The following REC114 variants were observed in gnomAD, a reference collection of about 807,000 sequenced individuals.
REC114 encodes meiotic recombination protein REC114.
Under a neutral mutation model 31.3 loss-of-function variants are expected in REC114, and 27 were observed. The ratio of observed to expected loss-of-function variants is 0.86; its 90% CI spans 0.64 to 1.19. The LOEUF (loss-of-function observed/expected upper bound fraction) is 1.19, where lower values mean the gene tolerates loss of function less well. REC114 is among the 50% of genes most tolerant of loss of function. The pLI, the probability that REC114 is intolerant of heterozygous loss-of-function variation, is 0.00. For synonymous variants in REC114, 134 were observed against 127.7 expected, an observed-to-expected ratio of 1.05 and a Z score of -0.33; for missense variants, 344 against 326.9, an observed-to-expected ratio of 1.05 and a Z score of -0.40.
At chr15:73,532,635 C>T (rs1894101593) in intron 2 of REC114, among the ~76,000 whole-genome samples, 1 of 152,152 alleles carries the variant, frequency 6.6e-6, no homozygotes, top group African/African-American at 2.4e-5. Context: ...TCCACATCCT[C>T]TCCAGCACTA....
intron 3 of REC114, among the ~76,000 whole-genome samples, chr15:73,545,336 C>G (rs1894294443): frequency 6.6e-6 from 1 of 152,176 alleles, no homozygotes; most frequent in South Asian, 2.1e-4. Context: ...CACTTCACAG[C>G]AAGAAGCTCT....
At chr15:73,555,525 T>C (rs1018707254) in intron 4 of REC114, among the ~76,000 whole-genome samples, 3 of 152,194 alleles carry the variant, frequency 2.0e-5, no homozygotes, top group African/African-American at 7.2e-5. Context: ...CTGTACTTCC[T>C]GCTTAGCATA....
At chr15:73,531,577 G>C (rs1894082737) in intron 2 of REC114, among the ~76,000 whole-genome samples, 1 of 152,194 alleles carries the variant, frequency 6.6e-6, no homozygotes, top group South Asian at 2.1e-4. Context: ...GGCAAATTAA[G>C]GGATGGGTCA....
At chr15:73,448,555 G>C (rs1291831813) in intron 1 of REC114, among the ~76,000 whole-genome samples, 1 of 152,198 alleles carries the variant, frequency 6.6e-6, no homozygotes, top group Non-Finnish European at 1.5e-5. Flanking sequence ...GGAGGAAGGG[G>C]TGGCTGTGGG....
At chr15:73,554,951 CTG>C (rs1894444291) in intron 4 of REC114, among the ~76,000 whole-genome samples, 1 of 152,192 alleles carries the variant, frequency 6.6e-6, no homozygotes. Flanking sequence ...GAGGAGAAAA[CTG>C]AAGAAACTGA....
intron 5 of REC114, 92 bp from the exon 6 acceptor site, chr15:73,559,660 A>T: frequency 8.1e-7 from 1 of 1,227,792 alleles, no homozygotes; most frequent in Non-Finnish European, 1.1e-6. Context: ...GTATTTCGCT[A>T]ATCTTTCCTT....
At chr15:73,538,459 T>TC (rs1475401394) in intron 2 of REC114, among the ~76,000 whole-genome samples, 1 of 147,926 alleles carries the variant, frequency 6.8e-6, no homozygotes, top group Admixed American at 6.8e-5. Flanking sequence ...CTATTTCTTT[T>TC]TTTTTTTTTT....
chr15:73,500,950 TG>T (rs893071234), intron 2 of REC114, among the ~76,000 whole-genome samples: 5 of 152,048 alleles, frequency 3.3e-5, no homozygotes, highest in African/African-American at 1.2e-4. Context: ...GGTGTCCCCA[TG>T]GTCTTATGTA....
In REC114 at chr15:73,452,138, A is replaced by G. The variant is rs551785245; in HGVS notation, c.159+8794A>G. On this transcript the variant is annotated intron_variant, in intron 1 of 5. Transcript: ENST00000331090. Reference sequence around the variant, plus strand: ...AGTATTGGAAGTTCTGGCCAGGGCAATCGGGCAAGAGAAAGAAATAAAGGG... The same window carrying G: ...AGTATTGGAAGTTCTGGCCAGGGCAGTCGGGCAAGAGAAAGAAATAAAGGG... 2.7e-4 allele frequency among the ~76,000 whole-genome samples: 41 copies of G among 152,306 alleles called. 1 individual carries two copies. In the South Asian group the frequency reaches 6.4e-3, roughly 24 times the overall value.
At chr15:73,461,922 CTTTTT>C (rs961387922) in intron 1 of REC114, among the ~76,000 whole-genome samples, 10 of 78,210 alleles carry the variant, frequency 1.3e-4, no homozygotes, top group African/African-American at 4.1e-4. Flanking sequence ...TTTTTCTTTT[CTTTTT>C]TTTTTTTTTT....
intron 2 of REC114, among the ~76,000 whole-genome samples, chr15:73,524,311 T>G (rs1372024125): frequency 6.6e-6 from 1 of 152,206 alleles, no homozygotes; most frequent in Non-Finnish European, 1.5e-5. Context: ...ATTGGCAGTT[T>G]ATAAATGGAT....
In REC114 at chr15:73,539,282, A is replaced by ATTTTTTTTTT. The variant is rs753968018; in HGVS notation, c.250-1186_250-1177dup. ...GCTTAGAGGTAGCATTTCAGAACTG[A>ATTTTTTTTTT]TTTTTTTTTTTTTTTTTTTTTTTTT... On this transcript the variant is annotated intron_variant, in intron 2 of 5. Coordinates refer to ENST00000331090, the MANE Select transcript of REC114 (RefSeq NM_001042367.2). 8.9e-3 allele frequency among the ~76,000 whole-genome samples: 633 copies of ATTTTTTTTTT among 70,816 alleles called. 103 individuals carry two copies. Among genetic ancestry groups the ATTTTTTTTTT allele is most frequent in the African/African-American group, 0.028 (420 of 15,132 alleles). The allele number at this position is 70,816 out of a possible 152,430, so 46.5% of individuals were successfully genotyped here.
chr15:73,556,888 G>GC (rs1317349390), intron 5 of REC114, among the ~76,000 whole-genome samples: 1 of 151,940 alleles, frequency 6.6e-6, no homozygotes, highest in African/African-American at 2.4e-5. Flanking sequence ...ACAGCCCCTT[G>GC]CCCCCTGCTG....
intron 1 of REC114, among the ~76,000 whole-genome samples, chr15:73,472,287 T>C (rs1217561024): frequency 6.6e-6 from 1 of 152,204 alleles, no homozygotes; most frequent in Non-Finnish European, 1.5e-5. Flanking sequence ...AGAAGAGTGT[T>C]GTGCCACTGA....
In REC114 at chr15:73,522,768, T is replaced by C. The variant is rs181792699; in HGVS notation, c.250-17717T>C. On this transcript the variant is annotated intron_variant, in intron 2 of 5. Coordinates refer to ENST00000331090, the MANE Select transcript of REC114 (RefSeq NM_001042367.2). ...AGTATTCAAGTTTTGTGTGGACATATTTTCATTTCCCCTAAGTAAGTACAT... is the reference window on the plus strand; with the variant it reads ...AGTATTCAAGTTTTGTGTGGACATACTTTCATTTCCCCTAAGTAAGTACAT... Among the ~76,000 whole-genome samples, 310 of 152,308 alleles carry C rather than the reference T, an allele frequency of 2.0e-3. 1 individual carries two copies. The highest frequency in any genetic ancestry group is 6.1e-3 in the African/African-American group (253 of 41,570).
intron 5 of REC114, among the ~76,000 whole-genome samples, chr15:73,557,372 A>G (rs1033939177): frequency 1.4e-4 from 21 of 148,306 alleles, no homozygotes; most frequent in South Asian, 4.3e-4. Context: ...GCCCGGCCAC[A>G]TTTTCTTTTA....
At chr15:73,472,605 T>C (rs1233466674) in intron 1 of REC114, among the ~76,000 whole-genome samples, 2 of 152,186 alleles carry the variant, frequency 1.3e-5, no homozygotes, top group Non-Finnish European at 1.5e-5. Context: ...TAACATCTTA[T>C]TGTTTATGTA....
chr15:73,493,301 C>T (rs1358416659), intron 2 of REC114, among the ~76,000 whole-genome samples: 1 of 152,136 alleles, frequency 6.6e-6, no homozygotes, highest in Non-Finnish European at 1.5e-5. Context: ...AAATCTCTGA[C>T]TGTTGCTTAT....
intron 2 of REC114, among the ~76,000 whole-genome samples, chr15:73,528,452 AC>A (rs1292022307): frequency 6.6e-6 from 1 of 152,200 alleles, no homozygotes; most frequent in Non-Finnish European, 1.5e-5. Flanking sequence ...TTCTTGATCT[AC>A]CGCTTTTTGA....
Sources: allele counts gnomAD v4.1 joint callset (sites outside exome capture counted in the v4.1 genomes callset), GRCh38; gene constraint gnomAD v4.1.1; transcripts MANE v1.5; gene names NCBI Gene and HGNC (gene_info 2026-07-23, HGNC 2026-07-21).